Variants in BRF1 observed in about 807,000 individuals in gnomAD.
BRF1 encodes the protein BRF1 general transcription factor IIIB subunit.
BRF1 carries 59 observed loss-of-function variants against 81.7 expected under a neutral mutation model. That is an observed-to-expected ratio of 0.72 (90% CI 0.59 to 0.90). BRF1 has a LOEUF of 0.90. BRF1 is among the 40% of genes least tolerant of loss of function. The pLI is 0.00. For missense variants in BRF1, 1,050 were observed against 936.3 expected, an observed-to-expected ratio of 1.12 and a Z score of -1.58; for synonymous variants, 491 against 395.6, an observed-to-expected ratio of 1.24 and a Z score of -2.86.
intron 7 of BRF1, chr14:105,227,547 C>G (rs1893321484): frequency 1.3e-5 from 2 of 152,444 alleles, no homozygotes; most frequent in Non-Finnish European, 2.9e-5. Flanking sequence ...TTCTCCACCC[C>G]TACCCGATCC....
At chr14:105,250,706 G>A (rs1300553910) in intron 5 of BRF1, 2 of 1,572,940 alleles carry the variant, frequency 1.3e-6, no homozygotes, top group African/African-American at 1.4e-5. Flanking sequence ...GTCAGCGAGT[G>A]AGTGGAGGGG....
intron 1 of BRF1, among the ~76,000 whole-genome samples, chr14:105,298,537 A>G (rs1332154755): frequency 2.0e-5 from 3 of 152,204 alleles, no homozygotes; most frequent in Non-Finnish European, 4.4e-5. Flanking sequence ...CCTACAAAGC[A>G]CACCTTATAC....
At chr14:105,293,384 G>A (rs1173050157) in intron 1 of BRF1, among the ~76,000 whole-genome samples, 1 of 152,214 alleles carries the variant, frequency 6.6e-6, no homozygotes, top group African/African-American at 2.4e-5. Context: ...TAACTGTGAA[G>A]CCACTGAAAG....
At chr14:105,265,900 CAAAAA>C (rs34375627) in intron 3 of BRF1, among the ~76,000 whole-genome samples, 21 of 75,660 alleles carry the variant, frequency 2.8e-4, no homozygotes, top group Admixed American at 4.9e-4. Flanking sequence ...GACTCCCTCT[CAAAAA>C]AAAAAAAAAA....
At chr14:105,274,514 G>A (rs778009859) in intron 2 of BRF1, among the ~76,000 whole-genome samples, 1 of 152,146 alleles carries the variant, frequency 6.6e-6, no homozygotes, top group African/African-American at 2.4e-5. Context: ...AGGCCACTGC[G>A]CCCTCCTAGG....
At chr14:105,304,966 A>C (rs1464668110), upstream of BRF1, among the ~76,000 whole-genome samples, 2 of 152,246 alleles carry the variant, frequency 1.3e-5, no homozygotes. Context: ...GTGGGTACAC[A>C]GAGCCAAATC....
At chr14:105,250,559 A>G in intron 5 of BRF1, 1 of 1,614,014 alleles carries the variant, frequency 6.2e-7, no homozygotes, top group Non-Finnish European at 8.5e-7. Context: ...GCAGGAGGGG[A>G]TGACGGAAGT....
Position 105,272,797 on chromosome 14 carries a change from G to A in BRF1, c.363C>T (p.His121=), listed in dbSNP as rs771781744. The A allele has an allele frequency of 4.3e-6, 7 of 1,614,024 alleles. No homozygotes were observed. The highest frequency in any genetic ancestry group is 5.1e-6 in the Non-Finnish European group (6 of 1,180,002). The change falls in exon 3 of 18, where the codon CAC becomes CAT. Residue 121 remains histidine (H), a synonymous_variant. Transcript: ENST00000547530. The part of the protein sequence containing the change: ...FNFFKMAVSR[H]LTRGRKMAHV... ...GGGCCATCTTCCGGCCGCGGGTCAG[G>A]TGCCTGCTCACGGCCATCTTGAAGA... is the stretch of plus-strand genomic sequence containing the variant.
chr14:105,293,276 G>A (rs999173582), intron 1 of BRF1, among the ~76,000 whole-genome samples: 2 of 152,172 alleles, frequency 1.3e-5, no homozygotes, highest in Admixed American at 6.5e-5. Flanking sequence ...CAGGGCCAGC[G>A]CCAGGTGACA....
chr14:105,209,665 C>A lies in BRF1; in HGVS notation c.*886G>T, dbSNP rs1196698998. On this transcript the variant is annotated 3_prime_UTR_variant, in exon 18 of 18. Coordinates refer to ENST00000547530, the MANE Select transcript of BRF1 (RefSeq NM_001519.4). ...CTCCCTCCTCGATGGGGGGCCTGAT[C>A]CAGCTCTGACAGGGAGCGCCACTGC... 3.0e-6 allele frequency: 2 copies of A among 672,778 alleles called. No individual in the cohort carries two copies. The highest frequency in any genetic ancestry group is 5.4e-6 in the Non-Finnish European group (2 of 368,714). 41.7% of individuals were successfully genotyped at this position (672,778 alleles called of 1,614,324 possible). A position where few individuals can be genotyped will look rare whatever the true frequency, so the allele number is the denominator to read the frequency against.
At chr14:105,283,223 G>A (rs2140459412) in intron 2 of BRF1, among the ~76,000 whole-genome samples, 1 of 152,342 alleles carries the variant, frequency 6.6e-6, no homozygotes, top group Non-Finnish European at 1.5e-5. Flanking sequence ...AAGTCAGCAG[G>A]AAACAGGACA....
chr14:105,307,177 T>C (rs761694367), intron 1 of BRF1, among the ~76,000 whole-genome samples: 1 of 152,124 alleles, frequency 6.6e-6, no homozygotes, highest in Middle Eastern at 3.4e-3. Context: ...CCCAAAGTAC[T>C]GAGATCCCAG....
intron 5 of BRF1, chr14:105,248,274 T>C (rs772147735): frequency 9.1e-6 from 9 of 985,306 alleles, no homozygotes; most frequent in Non-Finnish European, 1.1e-5. Context: ...GACTCCGGAA[T>C]GCAAATGGCC....
chr14:105,289,347 A>G (rs1285175218), intron 1 of BRF1, among the ~76,000 whole-genome samples: 3 of 152,210 alleles, frequency 2.0e-5, no homozygotes, highest in Non-Finnish European at 4.4e-5. Context: ...GTCTGAACAA[A>G]TAATAAACTA....
intron 4 of BRF1, among the ~76,000 whole-genome samples, chr14:105,253,227 A>G (rs1424599926): frequency 6.6e-6 from 1 of 152,206 alleles, no homozygotes; most frequent in Admixed American, 6.5e-5. Context: ...CCCTGTGCAC[A>G]GCCCTGCCGT....
chr14:105,228,975 G>A (rs143548216), intron 6 of BRF1, 62 bp from the exon 7 acceptor site: 14 of 1,478,436 alleles, frequency 9.5e-6, no homozygotes, highest in African/African-American at 4.1e-5. Flanking sequence ...CATCTGTGGC[G>A]GCCCAGGACA....
intron 5 of BRF1, among the ~76,000 whole-genome samples, chr14:105,246,503 T>C (rs1472320543): frequency 6.6e-6 from 1 of 151,922 alleles, no homozygotes; most frequent in East Asian, 1.9e-4. Flanking sequence ...GGAGTCTCGC[T>C]CTGTCATCCA....
At chr14:105,224,832 A>C (rs1367945605) in intron 10 of BRF1, among the ~76,000 whole-genome samples, 1 of 152,150 alleles carries the variant, frequency 6.6e-6, no homozygotes, top group East Asian at 1.9e-4. Context: ...GGCATGAACC[A>C]CCATGCTTGA....
At chr14:105,228,772 T>C in intron 7 of BRF1, 48 bp downstream of exon 7, 2 of 1,603,428 alleles carry the variant, frequency 1.2e-6, no homozygotes, top group Non-Finnish European at 1.7e-6. Context: ...TGAGCTGGAC[T>C]GATGAAGCCT....
Sources: allele counts gnomAD v4.1 joint callset (sites outside exome capture counted in the v4.1 genomes callset), GRCh38; gene constraint gnomAD v4.1.1; transcripts MANE v1.5; gene names NCBI Gene and HGNC (gene_info 2026-07-23, HGNC 2026-07-21).